The following APOLD1 variants were observed in gnomAD, a reference collection of about 807,000 sequenced individuals.
The protein encoded by APOLD1 is apolipoprotein L domain containing 1.
Under a neutral mutation model 15.3 loss-of-function variants are expected in APOLD1, and 22 were observed. The ratio of observed to expected loss-of-function variants is 1.44; its 90% CI spans 1.03 to 2.05. The LOEUF (loss-of-function observed/expected upper bound fraction) is 2.05. APOLD1 is among the 30% of genes most tolerant of loss of function. The pLI is 0.00. For synonymous variants in APOLD1, 190 were observed against 167.4 expected (o/e 1.13, Z -1.04); for missense variants, 394 against 353.5 (o/e 1.11, Z -0.92).
intron 1 of APOLD1, among the ~76,000 whole-genome samples, chr12:12,767,404 G>A (rs1261517467): frequency 6.6e-6 from 1 of 152,136 alleles, no homozygotes; most frequent in African/African-American, 2.4e-5. Context: ...GCTCACACCT[G>A]TAATCCCAGC....
chr12:12,730,770 A>G (rs1025577930), intron 1 of APOLD1, among the ~76,000 whole-genome samples: 11 of 151,662 alleles, frequency 7.3e-5, no homozygotes, highest in Admixed American at 5.9e-4. Flanking sequence ...TAGGGTATTA[A>G]AAGTATTCGA....
Position 12,787,862 on chromosome 12 carries a change from G to C in APOLD1, c.*210G>C. 1 of 639,808 alleles carries C rather than the reference G, an allele frequency of 1.6e-6. No homozygotes were observed. Among genetic ancestry groups the C allele is most frequent in the Non-Finnish European group, 2.5e-6 (1 of 400,646 alleles). The allele number at this position is 639,808 out of a possible 1,614,324, so 39.6% of individuals were successfully genotyped here. On this transcript the variant is annotated 3_prime_UTR_variant, in exon 2 of 2. Coordinates refer to ENST00000356591, the MANE Select transcript of APOLD1 (RefSeq NM_030817.3). The surrounding 1 kb of genome is among the most constrained non-coding windows in gnomAD (Gnocchi z 4.9). ...GGGCTTGAGTGCTACGGACTTTTCA[G>C]TCTTCCTAGTGGAAAAATGTGACCC...
chr12:12,731,109 C>T (rs1047191290), intron 1 of APOLD1, among the ~76,000 whole-genome samples: 2 of 152,316 alleles, frequency 1.3e-5, no homozygotes, highest in South Asian at 4.1e-4. Context: ...CCACTGCACT[C>T]CAGCCTGGGC....
chr12:12,761,806 A>ATATATATATATAT (rs1565432721), intron 1 of APOLD1, among the ~76,000 whole-genome samples: 1 of 97,828 alleles, frequency 1.0e-5, no homozygotes, highest in African/African-American at 4.6e-5. Context: ...TATATACATG[A>ATATATATATATAT]ACATATACAT....
In APOLD1 at chr12:12,726,215, C is replaced by T. The variant is rs537908136; in HGVS notation, c.96+119C>T. The T allele has an allele frequency of 6.5e-4, 479 of 732,488 alleles. 1 individual carries two copies. The African/African-American group carries it at 7.9e-3, about 12-fold the overall frequency. The allele number at this position is 732,488 out of a possible 1,614,324, so 45.4% of individuals were successfully genotyped here. On this transcript the variant is annotated intron_variant, in intron 1 of 1. Transcript: ENST00000326765. Reference sequence around the variant, plus strand: ...GAGGAAAAATGTGTTATTTCAACCGCCACTCAGAACCCATCATAATTCAGC... The same window carrying T: ...GAGGAAAAATGTGTTATTTCAACCGTCACTCAGAACCCATCATAATTCAGC...
intron 1 of APOLD1, among the ~76,000 whole-genome samples, chr12:12,761,771 C>T (rs1946900074): frequency 6.7e-6 from 1 of 149,820 alleles, no homozygotes; most frequent in South Asian, 2.1e-4. Flanking sequence ...AGAACTCACC[C>T]CCAAATGGTT....
chr12:12,751,848 T>A (rs968120318), intron 1 of APOLD1, among the ~76,000 whole-genome samples: 1 of 152,112 alleles, frequency 6.6e-6, no homozygotes, highest in African/African-American at 2.4e-5. Context: ...TTGATCTCTA[T>A]AAGAAGGACA....
At chr12:12,733,173 A>C (rs991820385) in intron 1 of APOLD1, among the ~76,000 whole-genome samples, 1 of 151,994 alleles carries the variant, frequency 6.6e-6, no homozygotes, top group Non-Finnish European at 1.5e-5. Flanking sequence ...AAAAAAAAAA[A>C]AAATTAGCTG....
chr12:12,785,823 A>G (rs1947119434), intron 1 of APOLD1, 129 bp downstream of exon 1: 4 of 903,130 alleles, frequency 4.4e-6, no homozygotes. Context: ...GTGAATAAGG[A>G]GATGAGGATT....
intron 1 of APOLD1, among the ~76,000 whole-genome samples, chr12:12,730,733 A>G (rs1465865256): frequency 3.4e-5 from 5 of 145,152 alleles, no homozygotes; most frequent in African/African-American, 7.6e-5. Flanking sequence ...TTTTTTGTCT[A>G]TATAATGAGG....
chr12:12,786,667 G>A (rs1193651844), intron 1 of APOLD1: 2 of 985,292 alleles, frequency 2.0e-6, no homozygotes, highest in Middle Eastern at 5.2e-4. Context: ...GCAGAAGATA[G>A]CATTATTCCT....
At chr12:12,764,126 C>T (rs1298303797) in intron 1 of APOLD1, among the ~76,000 whole-genome samples, 2 of 152,070 alleles carry the variant, frequency 1.3e-5, no homozygotes, top group African/African-American at 4.8e-5. Context: ...CCATGTCCGG[C>T]TAATTTTTGT....
intron 1 of APOLD1, among the ~76,000 whole-genome samples, chr12:12,737,894 A>G (rs953020147): frequency 3.9e-5 from 6 of 152,140 alleles, no homozygotes; most frequent in African/African-American, 1.4e-4. Context: ...GAGGAAGGGG[A>G]CTGAATGTTC....
chr12:12,743,668 G>C (rs1157015046), intron 1 of APOLD1, among the ~76,000 whole-genome samples: 1 of 152,146 alleles, frequency 6.6e-6, no homozygotes, highest in East Asian at 1.9e-4. Flanking sequence ...GGCAAAGGGG[G>C]GATTAAGGTT....
intron 1 of APOLD1, among the ~76,000 whole-genome samples, chr12:12,769,885 T>C (rs180745943): frequency 6.6e-6 from 1 of 152,174 alleles, no homozygotes; most frequent in East Asian, 1.9e-4. Flanking sequence ...TTCCTTTCCC[T>C]CCACACCTTG....
chr12:12,737,559 C>T (rs890278636), intron 1 of APOLD1, among the ~76,000 whole-genome samples: 1 of 152,172 alleles, frequency 6.6e-6, no homozygotes, highest in Non-Finnish European at 1.5e-5. Flanking sequence ...ATAATTCCTG[C>T]ATCTTACCTT....
chr12:12,769,389 A>C (rs7297457), intron 1 of APOLD1, among the ~76,000 whole-genome samples: 67,650 of 152,046 alleles, frequency 0.44, 17,076 homozygotes, highest in African/African-American at 0.7. Flanking sequence ...TCACAACTTA[A>C]TTACTGGAGC....
intron 1 of APOLD1, among the ~76,000 whole-genome samples, chr12:12,742,890 G>A (rs1946738986): frequency 6.6e-6 from 1 of 152,214 alleles, no homozygotes; most frequent in South Asian, 2.1e-4. Flanking sequence ...TCAGCCTTCT[G>A]AGTAGCTGGA....
chr12:12,746,529 A>AAATACATACAT (rs1946768283), intron 1 of APOLD1, among the ~76,000 whole-genome samples: 1 of 152,154 alleles, frequency 6.6e-6, no homozygotes, highest in Non-Finnish European at 1.5e-5. Context: ...ATAAATACAT[A>AAATACATACAT]CATACATATT....
Sources: gnomAD v4.1 joint callset for allele counts (sites outside exome capture counted in the v4.1 genomes callset) on GRCh38, gnomAD v4.1.1 for gene constraint, Gnocchi (gnomAD v3.1) non-coding constraint, MANE v1.5 for transcripts, NCBI Gene and HGNC (gene_info 2026-07-23, HGNC 2026-07-21) for gene names.